ARSG: variants seen among roughly 807,000 people sequenced by gnomAD.
The protein encoded by ARSG is ASG.
A neutral mutation model predicts 50.5 loss-of-function variants in ARSG; 37 were observed. The ratio of observed to expected loss-of-function variants is 0.73; its 90% confidence interval spans 0.56 to 0.96. The LOEUF (loss-of-function observed/expected upper bound fraction) is 0.96. ARSG is among the 50% of genes least tolerant of loss of function. ARSG has a pLI of 0.00. For synonymous variants in ARSG, 225 were observed against 254.6 expected (o/e 0.88, Z 1.11); for missense variants, 629 against 675.3 (o/e 0.93, Z 0.76).
upstream of ARSG, among the ~76,000 whole-genome samples, chr17:68,288,324 C>T (rs1456094441): frequency 8.6e-5 from 13 of 152,042 alleles, no homozygotes; most frequent in African/African-American, 2.7e-4. Context: ...TTTTCCATTC[C>T]TTCAGCAGAA....
Position 68,384,983 on chromosome 17 carries a change from C to T in ARSG, c.983-81C>T. The T allele has an allele frequency of 2.6e-6, 3 of 1,165,270 alleles. No individual in the cohort carries two copies. The East Asian group carries it at 7.1e-5, about 27-fold the overall frequency. 72.2% of individuals were successfully genotyped at this position (1,165,270 alleles called of 1,614,324 possible). On this transcript the variant is annotated intron_variant, in intron 8 of 11. Transcript: ENST00000621439. ...GTTATTGGAAACTCAGAGAGGGGTT[C>T]TCCCAGAGACTAGCTCTTAGCTGAA...
intron 2 of ARSG, among the ~76,000 whole-genome samples, chr17:68,335,731 T>A (rs2077988343): frequency 6.6e-6 from 1 of 152,036 alleles, no homozygotes; most frequent in African/African-American, 2.4e-5. Context: ...ACAGCTGGGA[T>A]TTGCCAATGA....
chr17:68,310,900 A>G (rs1281997818), intron 2 of ARSG, among the ~76,000 whole-genome samples: 1 of 152,206 alleles, frequency 6.6e-6, no homozygotes, highest in Admixed American at 6.5e-5. Flanking sequence ...CCCATACCAC[A>G]GCTAACAAAC....
chr17:68,347,175 A>G lies in ARSG; in HGVS notation c.454+3A>G. 6.2e-7 allele frequency: 1 copy of G among 1,612,984 alleles called. No individual in the cohort carries two copies. The highest frequency in any genetic ancestry group is 8.5e-7 in the Non-Finnish European group (1 of 1,179,070). On this transcript the variant is annotated splice_donor_region_variant and intron_variant, in intron 4 of 11. Transcript: ENST00000621439. Reference sequence around the variant, plus strand: ...CTCTTATCACCCCAACTTCCGTGGTAAGAATTCTTTTGGGGATTTGTTACC... The same window carrying G: ...CTCTTATCACCCCAACTTCCGTGGTGAGAATTCTTTTGGGGATTTGTTACC...
chr17:68,277,108 A>G (rs1202643272), intron 1 of ARSG, among the ~76,000 whole-genome samples: 1 of 152,006 alleles, frequency 6.6e-6, no homozygotes, highest in Non-Finnish European at 1.5e-5. Flanking sequence ...GAATTATGAG[A>G]TTGGGGCCTG....
At chr17:68,387,881 AAG>A (rs996402874) in intron 9 of ARSG, among the ~76,000 whole-genome samples, 2 of 152,138 alleles carry the variant, frequency 1.3e-5, no homozygotes, top group South Asian at 4.2e-4. Flanking sequence ...AGAAAAGTGA[AAG>A]AGAATGTGTG....
At chr17:68,305,432 A>G (rs1264213991) in intron 1 of ARSG, among the ~76,000 whole-genome samples, 2 of 152,236 alleles carry the variant, frequency 1.3e-5, no homozygotes, top group African/African-American at 4.8e-5. Context: ...CAGGCCTCAC[A>G]TGGGCTTGTT....
chr17:68,394,948 T>G (rs2081167250), intron 9 of ARSG, 125 bp from the exon 10 acceptor site: 2 of 1,384,412 alleles, frequency 1.4e-6, no homozygotes, highest in East Asian at 5.0e-5. Context: ...GGTAGAGAAG[T>G]TAAGCCAGCC....
intron 3 of ARSG, among the ~76,000 whole-genome samples, chr17:68,346,139 G>A (rs1394170917): frequency 1.3e-5 from 2 of 152,088 alleles, no homozygotes; most frequent in South Asian, 2.1e-4. Context: ...GCCTCCCAAA[G>A]TGCTGGGATT....
At chr17:68,281,468 G>A (rs568208418) in intron 1 of ARSG, among the ~76,000 whole-genome samples, 4 of 152,090 alleles carry the variant, frequency 2.6e-5, no homozygotes, top group Non-Finnish European at 4.4e-5. Flanking sequence ...CCAGCTACTC[G>A]CGAGGCTGAG....
At chr17:68,322,878 C>CA (rs2077347683) in intron 2 of ARSG, among the ~76,000 whole-genome samples, 1 of 152,154 alleles carries the variant, frequency 6.6e-6, no homozygotes, top group Admixed American at 6.5e-5. Flanking sequence ...AGTCCAACAT[C>CA]AGGGTACTAG....
intron 2 of ARSG, among the ~76,000 whole-genome samples, chr17:68,320,199 G>A (rs1009876289): frequency 3.3e-5 from 5 of 151,898 alleles, no homozygotes; most frequent in African/African-American, 1.2e-4. Context: ...TGAGACAGGC[G>A]AATCGCTTAG....
chr17:68,432,873 C>T, the ARSG span, among the ~76,000 whole-genome samples: 7 of 152,194 alleles, frequency 4.6e-5, no homozygotes, highest in Non-Finnish European at 8.8e-5. Context: ...CCAGAATTTT[C>T]CAACCCCCAT....
intron 1 of ARSG, among the ~76,000 whole-genome samples, chr17:68,270,644 C>T (rs2075308816): frequency 6.6e-6 from 1 of 151,978 alleles, no homozygotes; most frequent in Non-Finnish European, 1.5e-5. Context: ...TGACCTTTAG[C>T]TTCAATTCTT....
chr17:68,267,628 C>T (rs1173719303), intron 1 of ARSG: 2 of 152,212 alleles, frequency 1.3e-5, no homozygotes, highest in African/African-American at 4.8e-5. Context: ...CATTGACCAT[C>T]ACCTGCAGGG....
chr17:68,413,097 G>A lies in ARSG; in HGVS notation c.1304-7092G>A, dbSNP rs1441476297. ...TCCCATAGCTCAGAGTAATTTGATC[G>A]TCTGAAGCCTTCTTCTCTCAGCTCG... is the stretch of plus-strand genomic sequence containing the variant. On this transcript the variant is annotated intron_variant, in intron 11 of 11. Coordinates refer to ENST00000621439, the MANE Select transcript of ARSG (RefSeq NM_001267727.2). Among the ~76,000 whole-genome samples the A allele has an allele frequency of 1.1e-4, 16 of 151,806 alleles. No individual in the cohort carries two copies. The South Asian group carries it at 1.5e-3, about 14-fold the overall frequency.
the ARSG span, among the ~76,000 whole-genome samples, chr17:68,432,359 A>G: frequency 6.6e-6 from 1 of 152,220 alleles, no homozygotes; most frequent in Non-Finnish European, 1.5e-5. Flanking sequence ...TGGTGGCAGA[A>G]AAAGATGGCA....
the ARSG span, among the ~76,000 whole-genome samples, chr17:68,444,915 CTTTTTTTTTTTTT>C: frequency 2.2e-5 from 2 of 89,092 alleles, no homozygotes; most frequent in South Asian, 8.9e-4. Context: ...ATCCTGAACA[CTTTTTTTTTTTTT>C]TTTTTTTTTT....
At chr17:68,318,555 G>GGCC (rs781886564) in intron 2 of ARSG, among the ~76,000 whole-genome samples, 1 of 152,220 alleles carries the variant, frequency 6.6e-6, no homozygotes, top group Non-Finnish European at 1.5e-5. Context: ...AGAGAGAGGT[G>GGCC]GCCACAGGCA....
Sources: allele counts gnomAD v4.1 joint callset (sites outside exome capture counted in the v4.1 genomes callset), GRCh38; gene constraint gnomAD v4.1.1; transcripts MANE v1.5; gene names NCBI Gene and HGNC (gene_info 2026-07-23, HGNC 2026-07-21).